NEUROD2: variants seen among roughly 807,000 people sequenced by gnomAD.
NEUROD2 encodes the protein neurogenic differentiation factor 2.
In NEUROD2, 5 loss-of-function variants were observed where a neutral mutation model predicts 9.3. That is an observed-to-expected ratio of 0.54 (90% CI 0.28 to 1.13). NEUROD2 has a LOEUF of 1.13. Ranked by LOEUF, NEUROD2 falls within the 50% of genes most tolerant of loss-of-function variation. The probability of loss-of-function intolerance (pLI) is 0.10; values close to 1 mark genes in which losing one functional copy is unlikely to be tolerated. For synonymous variants in NEUROD2, 277 were observed against 257.3 expected, an observed-to-expected ratio of 1.08 and a Z score of -0.73; for missense variants, 376 against 549.2, an observed-to-expected ratio of 0.68 and a Z score of 3.15.
chr17:39,606,172 T>C lies in NEUROD2; in HGVS notation c.428A>G (p.Asn143Ser). The C allele has an allele frequency of 6.2e-7, 1 of 1,613,372 alleles. No homozygotes were observed. The highest frequency in any genetic ancestry group is 8.5e-7 in the Non-Finnish European group (1 of 1,179,930). ...RMHDLNAALDNLRKVVPCYSK... is the reference protein window; with the variant it reads ...RMHDLNAALDSLRKVVPCYSK... The stretch of plus-strand genomic sequence containing the variant: ...GTAGCAGGGCACCACCTTGCGCAGG[T>C]TGTCCAGGGCTGCGTTCAGGTCGTG... Residue 143 changes from asparagine (N) to serine (S), a missense_variant, in exon 2 of 2, where the codon AAC becomes AGC. Asn to Ser is a conservative substitution (Grantham distance 46, BLOSUM62 1). Coordinates refer to ENST00000302584, the MANE Select transcript of NEUROD2 (RefSeq NM_006160.4). This position sits in a 1 kb window ranked among gnomAD's most constrained non-coding sequence, Gnocchi z 7.8.
In NEUROD2 at chr17:39,605,825, C is replaced by A. The variant is rs1162349056; in HGVS notation, c.775G>T (p.Gly259Cys). The A allele has an allele frequency of 2.9e-6, 4 of 1,364,276 alleles. No homozygotes were observed. Among genetic ancestry groups the A allele is most frequent in the Non-Finnish European group, 2.8e-6 (3 of 1,065,270 alleles). The allele number at this position is 1,364,276 out of a possible 1,614,324, so 84.5% of individuals were successfully genotyped here. Residue 259 changes from glycine (G) to cysteine (C), a missense_variant, in exon 2 of 2, where the codon GGC (glycine) becomes TGC (cysteine). By Grantham distance (159) the Gly-to-Cys change is radical. Transcript: ENST00000302584. The surrounding 1 kb of genome is among the most constrained non-coding windows in gnomAD (Gnocchi z 6.8). ...AQCQAAGGLGGGAAHALRTHG... is the reference protein window; with the variant it reads ...AQCQAAGGLGCGAAHALRTHG... Reference sequence around the variant, plus strand: ...GTCCGCAGGGCGTGCGCCGCGCCGCCGCCCAGGCCGCCGGCCGCCTGGCAC... The same window carrying A: ...GTCCGCAGGGCGTGCGCCGCGCCGCAGCCCAGGCCGCCGGCCGCCTGGCAC...
rs538253115 is a variant in NEUROD2 at position 39,604,242 on chromosome 17, T to G, written c.*1209A>C. 1 of 152,762 alleles carries G rather than the reference T, an allele frequency of 6.5e-6. No individual in the cohort carries two copies. Among genetic ancestry groups the G allele is most frequent in the South Asian group, 2.1e-4 (1 of 4,826 alleles). 9.5% of individuals were successfully genotyped at this position (152,762 alleles called of 1,614,324 possible). ...GGAGGAGCCGGCGAGCTCACCTCCT[T>G]CTGCCCCCCGGACGCCGGCGCCGGG... On this transcript the variant is annotated 3_prime_UTR_variant, in exon 2 of 2. Coordinates refer to ENST00000302584, the MANE Select transcript of NEUROD2 (RefSeq NM_006160.4).
Position 39,603,929 on chromosome 17 carries a change from G to C in NEUROD2, c.*1522C>G, listed in dbSNP as rs1359015545. Reference sequence around the variant, plus strand: ...GAGTGTGTGGGTGTGTCGCCTGTGGGATTGCATTTTTGCATCGTGTATTTG... The same window carrying C: ...GAGTGTGTGGGTGTGTCGCCTGTGGCATTGCATTTTTGCATCGTGTATTTG... On this transcript the variant is annotated 3_prime_UTR_variant, in exon 2 of 2. Coordinates refer to ENST00000302584, the MANE Select transcript of NEUROD2 (RefSeq NM_006160.4). 6.5e-6 allele frequency: 1 copy of C among 152,678 alleles called. No homozygotes were observed. Among genetic ancestry groups the C allele is most frequent in the African/African-American group, 2.4e-5 (1 of 41,418 alleles). The allele number at this position is 152,678 out of a possible 1,614,324, so 9.5% of individuals were successfully genotyped here.
intron 1 of NEUROD2, 158 bp downstream of exon 1, chr17:39,607,570 C>T (rs959633362): frequency 1.0e-6 from 1 of 982,494 alleles, no homozygotes; most frequent in Non-Finnish European, 1.2e-6. Flanking sequence ...TGGGCTGCAG[C>T]CCCTAAGGGA....
rs1448108491 is a variant in NEUROD2 at position 39,606,396 on chromosome 17, G to A, written c.204C>T (p.Ala68=). The change falls in exon 2 of 2, where the codon GCC becomes GCT. Residue 68 remains alanine, a synonymous_variant. Transcript: ENST00000302584. The surrounding 1 kb of genome is among the most constrained non-coding windows in gnomAD (Gnocchi z 7.8). ...VPLRGEEGTE[A]TLAEVKEEGE... ...CTTCCTCCTTGACCTCGGCCAACGTGGCCTCCGTCCCCTCTTCTCCACGGA... is the reference window on the plus strand; with the variant it reads ...CTTCCTCCTTGACCTCGGCCAACGTAGCCTCCGTCCCCTCTTCTCCACGGA... The A allele has an allele frequency of 1.3e-6, 2 of 1,548,124 alleles. No individual in the cohort carries two copies. The highest frequency in any genetic ancestry group is 8.7e-7 in the Non-Finnish European group (1 of 1,148,894).
At position 39,605,634 on chromosome 17, in the gene NEUROD2, G is replaced by T. The variant is rs2056764593; in HGVS notation, c.966C>A (p.Ser322Arg). 6.2e-7 allele frequency: 1 copy of T among 1,613,096 alleles called. No homozygotes were observed. Among genetic ancestry groups the T allele is most frequent in the African/African-American group, 1.3e-5 (1 of 74,902 alleles). ...CCGAGTAGTGCATAGAGTAGTGGTA[G>T]CTTTTCTCGTGGTCGGGCGAGGAGT... ...KQDSSPDHEK[S>R]YHYSMHYSAL... Residue 322 changes from serine (S) to arginine (R), a missense_variant, in exon 2 of 2, where the codon AGC becomes AGA. Ser to Arg is a moderately radical substitution (Grantham distance 110). Coordinates refer to ENST00000302584, the MANE Select transcript of NEUROD2 (RefSeq NM_006160.4). The surrounding 1 kb of genome is among the most constrained non-coding windows in gnomAD (Gnocchi z 6.8).
chr17:39,606,905 CG>C lies in NEUROD2; in HGVS notation c.-5-302del. The C allele has an allele frequency of 3.0e-6, 1 of 336,908 alleles. No homozygotes were observed. The highest frequency in any genetic ancestry group is 5.4e-6 in the Non-Finnish European group (1 of 186,480). The allele number at this position is 336,908 out of a possible 1,614,324, so 20.9% of individuals were successfully genotyped here. On this transcript the variant is annotated intron_variant, in intron 1 of 1. Coordinates refer to ENST00000302584, the MANE Select transcript of NEUROD2 (RefSeq NM_006160.4). The surrounding 1 kb of genome is among the most constrained non-coding windows in gnomAD (Gnocchi z 7.8). Reference sequence around the variant, plus strand: ...TTCTTCTCAGGGTCAGGGCAGGGACCGGGTGGGGGTTTTAGGGACCAGATAT... The same window carrying C: ...TTCTTCTCAGGGTCAGGGCAGGGACCGGTGGGGGTTTTAGGGACCAGATAT...
In NEUROD2 at chr17:39,603,977, G is replaced by A. The variant is rs1315284087; in HGVS notation, c.*1474C>T. On this transcript the variant is annotated 3_prime_UTR_variant, in exon 2 of 2. Coordinates refer to ENST00000302584, the MANE Select transcript of NEUROD2 (RefSeq NM_006160.4). ...TTGGATGCCTGATCCCCTGCCTCCG[G>A]TGGGCAGAGGGTCTCCTTTTGCCCC... 2 of 152,684 alleles carry A rather than the reference G, an allele frequency of 1.3e-5. No homozygotes were observed. The highest frequency in any genetic ancestry group is 2.4e-5 in the African/African-American group (1 of 41,374). 9.5% of individuals were successfully genotyped at this position (152,684 alleles called of 1,614,324 possible).
In NEUROD2 at chr17:39,605,949, C is replaced by A. The variant is rs777715063; in HGVS notation, c.651G>T (p.Thr217=). 1 of 1,612,670 alleles carries A rather than the reference C, an allele frequency of 6.2e-7. No individual in the cohort carries two copies. Among genetic ancestry groups the A allele is most frequent in the Admixed American group, 1.7e-5 (1 of 59,986 alleles). Residue 217 remains threonine, a synonymous_variant, in exon 2 of 2, where the codon ACG becomes ACT. Coordinates refer to ENST00000302584, the MANE Select transcript of NEUROD2 (RefSeq NM_006160.4). The surrounding 1 kb of genome is among the most constrained non-coding windows in gnomAD (Gnocchi z 6.8). ...GGCCGGCACCGTCGGCGCCTTGCTCCGTGAGGAAGTTGCGAGAGTTGAGCT... is the reference window on the plus strand; with the variant it reads ...GGCCGGCACCGTCGGCGCCTTGCTCAGTGAGGAAGTTGCGAGAGTTGAGCT... ...CLQLNSRNFL[T]EQGADGAGRF... is the part of the protein sequence containing the mutation.
Position 39,606,273 on chromosome 17 carries a change from G to T in NEUROD2, c.327C>A (p.Arg109=). 1 of 1,609,754 alleles carries T rather than the reference G, an allele frequency of 6.2e-7. No homozygotes were observed. The change falls in exon 2 of 2, where the codon CGC becomes CGA. Residue 109 remains arginine, a synonymous_variant. Transcript: ENST00000302584. The surrounding 1 kb of genome is among the most constrained non-coding windows in gnomAD (Gnocchi z 7.8). Reference sequence around the variant, plus strand: ...GCTCCAAGCGCGCCTTGGTCATCTTGCGCTTCTTGGGCCCGCGCTTCTTGG... The same window carrying T: ...GCTCCAAGCGCGCCTTGGTCATCTTTCGCTTCTTGGGCCCGCGCTTCTTGG... ...ERPKKRGPKK[R]KMTKARLERS...
In NEUROD2 at chr17:39,606,681, C is replaced by T. The variant is rs1385113484; in HGVS notation, c.-5-77G>A. Reference sequence around the variant, plus strand: ...GCGCGCTGGGGTACCGACGCCCCCCCACAACCCTCCTCCACCCCCGAGTCT... The same window carrying T: ...GCGCGCTGGGGTACCGACGCCCCCCTACAACCCTCCTCCACCCCCGAGTCT... On this transcript the variant is annotated intron_variant, in intron 1 of 1. Coordinates refer to ENST00000302584, the MANE Select transcript of NEUROD2 (RefSeq NM_006160.4). This position sits in a 1 kb window ranked among gnomAD's most constrained non-coding sequence, Gnocchi z 7.8. 2.2e-6 allele frequency: 3 copies of T among 1,371,340 alleles called. No homozygotes were observed. The highest frequency in any genetic ancestry group is 1.5e-5 in the African/African-American group (1 of 65,538). The allele number at this position is 1,371,340 out of a possible 1,614,324, so 84.9% of individuals were successfully genotyped here.
chr17:39,606,028 G>T lies in NEUROD2; in HGVS notation c.572C>A (p.Thr191Asn), dbSNP rs2056766739. Residue 191 changes from threonine (T) to asparagine (N), a missense_variant, in exon 2 of 2, where the codon ACT becomes AAT. Transcript: ENST00000302584. This position sits in a 1 kb window ranked among gnomAD's most constrained non-coding sequence, Gnocchi z 7.8. ...KRPDLVSYVQ[T>N]LCKGLSQPTT... ...GGGCTGCGACAGACCCTTGCACAGA[G>T]TCTGCACGTAGGACACTAGGTCTGG... 6.2e-7 allele frequency: 1 copy of T among 1,613,978 alleles called. No homozygotes were observed. The highest frequency in any genetic ancestry group is 1.7e-5 in the Admixed American group (1 of 60,008).
In NEUROD2 at chr17:39,605,694, C is replaced by T; in HGVS notation, c.906G>A (p.Pro302=). 6.2e-7 allele frequency: 1 copy of T among 1,606,630 alleles called. No homozygotes were observed. Among genetic ancestry groups the T allele is most frequent in the East Asian group, 2.3e-5 (1 of 44,146 alleles). The change falls in exon 2 of 2, where the codon CCG becomes CCA. Residue 302 remains proline, a synonymous_variant. Coordinates refer to ENST00000302584, the MANE Select transcript of NEUROD2 (RefSeq NM_006160.4). This position sits in a 1 kb window ranked among gnomAD's most constrained non-coding sequence, Gnocchi z 6.8. The part of the protein sequence containing the change: ...SSEYEGPLSP[P]LCLNGNFSLK... ...GTGAGAAGTTGCCATTGAGACAGAG[C>T]GGGGGGCTGAGCGGGCCCTCGTACT...
At position 39,606,670 on chromosome 17, in the gene NEUROD2, C is replaced by T. The variant is rs2056770261; in HGVS notation, c.-5-66G>A. 3.5e-6 allele frequency: 5 copies of T among 1,413,102 alleles called. No homozygotes were observed. The highest frequency in any genetic ancestry group is 2.8e-5 in the East Asian group (1 of 35,918). 87.5% of individuals were successfully genotyped at this position (1,413,102 alleles called of 1,614,324 possible). The stretch of plus-strand genomic sequence containing the variant: ...CAAAGTGAGGGGCGCGCTGGGGTAC[C>T]GACGCCCCCCCACAACCCTCCTCCA... On this transcript the variant is annotated intron_variant, in intron 1 of 1. Transcript: ENST00000302584. The surrounding 1 kb of genome is among the most constrained non-coding windows in gnomAD (Gnocchi z 7.8).
chr17:39,606,802 C>A lies in NEUROD2; in HGVS notation c.-5-198G>T, dbSNP rs1186582731. ...CCCTACCCGGCTGCCGGCCTGGGATCTCGGCCCAGGCCCTCTCCCCGGCGC... is the reference window on the plus strand; with the variant it reads ...CCCTACCCGGCTGCCGGCCTGGGATATCGGCCCAGGCCCTCTCCCCGGCGC... On this transcript the variant is annotated intron_variant, in intron 1 of 1. Coordinates refer to ENST00000302584, the MANE Select transcript of NEUROD2 (RefSeq NM_006160.4). This position sits in a 1 kb window ranked among gnomAD's most constrained non-coding sequence, Gnocchi z 7.8. The A allele has an allele frequency of 2.0e-5, 11 of 545,710 alleles. No homozygotes were observed. Among genetic ancestry groups the A allele is most frequent in the Admixed American group, 1.2e-4 (3 of 24,712 alleles). The allele number at this position is 545,710 out of a possible 1,614,324, so 33.8% of individuals were successfully genotyped here.
At position 39,606,222 on chromosome 17, in the gene NEUROD2, C is replaced by A; in HGVS notation, c.378G>T (p.Ala126=). Residue 126 remains alanine (A), a synonymous_variant, in exon 2 of 2, where the codon GCG becomes GCT. Transcript: ENST00000302584. The surrounding 1 kb of genome is among the most constrained non-coding windows in gnomAD (Gnocchi z 7.8). ...GCATGCGGTTGCGCTCCCGCGCGTT[C>A]GCCTTCTGCCGCCGAAGCTTGGAGC... ...LERSKLRRQK[A]NARERNRMHD... is the part of the protein sequence containing the mutation. 1.2e-6 allele frequency: 2 copies of A among 1,611,478 alleles called. No individual in the cohort carries two copies. The highest frequency in any genetic ancestry group is 1.7e-6 in the Non-Finnish European group (2 of 1,179,732).
rs777836151 is a variant in NEUROD2, at chr17:39,605,502, G to T, written c.1098C>A (p.His366Gln). The change falls in exon 2 of 2, where the codon CAC (histidine) becomes CAA (glutamine). Residue 366 changes from histidine (H) to glutamine (Q), a missense_variant. Around this residue, in one of 3 missense-constraint regions of NEUROD2, gnomAD observed 193 missense variants for 255.8 expected, o/e 0.75. Coordinates refer to ENST00000302584, the MANE Select transcript of NEUROD2 (RefSeq NM_006160.4). This position sits in a 1 kb window ranked among gnomAD's most constrained non-coding sequence, Gnocchi z 6.8. ...CCTCGTACATGGGGCCCCGGTCGTG[G>T]TGAAGGTGCATATCGTAAGACAAGA... ...ENLLSYDMHL[H>Q]HDRGPMYEEL... is the part of the protein sequence containing the mutation. The T allele has an allele frequency of 1.9e-6, 3 of 1,611,222 alleles. No individual in the cohort carries two copies. The highest frequency in any genetic ancestry group is 2.5e-6 in the Non-Finnish European group (3 of 1,178,368).
rs2056769917 is a variant in NEUROD2, at chr17:39,606,610, G to T, written c.-5-6C>A. 1.3e-6 allele frequency: 2 copies of T among 1,541,100 alleles called. No individual in the cohort carries two copies. Among genetic ancestry groups the T allele is most frequent in the South Asian group, 2.4e-5 (2 of 84,366 alleles). ...CAGGCGGGTCAGCATGGTGCCTGAG[G>T]GCGCCCCGCGGGCGGGAAGGGGAGA... On this transcript the variant is annotated splice_region_variant and splice_polypyrimidine_tract_variant and intron_variant, in intron 1 of 1. Transcript: ENST00000302584. The surrounding 1 kb of genome is among the most constrained non-coding windows in gnomAD (Gnocchi z 7.8).
rs547013176 is a variant in NEUROD2 at position 39,605,220 on chromosome 17, A to C, written c.*231T>G. 2.1e-6 allele frequency: 1 copy of C among 476,294 alleles called. No individual in the cohort carries two copies. Among genetic ancestry groups the C allele is most frequent in the South Asian group, 3.7e-5 (1 of 26,726 alleles). The allele number at this position is 476,294 out of a possible 1,614,324, so 29.5% of individuals were successfully genotyped here. On this transcript the variant is annotated 3_prime_UTR_variant, in exon 2 of 2. Coordinates refer to ENST00000302584, the MANE Select transcript of NEUROD2 (RefSeq NM_006160.4). The surrounding 1 kb of genome is among the most constrained non-coding windows in gnomAD (Gnocchi z 6.8). ...GGAGAAGCACTCCTTGGGAGAGAGG[A>C]GGAGGGAACCCCTTGGGGAGAGAGA...
Sources: allele counts gnomAD v4.1 joint callset, GRCh38; gene constraint gnomAD v4.1.1; regional missense constraint gnomAD v4.1.1; non-coding constraint Gnocchi (gnomAD v3.1); transcripts MANE v1.5; gene names NCBI Gene and HGNC (gene_info 2026-07-23, HGNC 2026-07-21).